Variants in ERBIN observed in about 807,000 individuals in gnomAD.
The protein encoded by ERBIN is erbb2 interacting protein.
A neutral mutation model predicts 158.4 loss-of-function variants in ERBIN; 60 were observed. That is an observed-to-expected ratio of 0.38 (90% CI 0.31 to 0.47). The LOEUF (loss-of-function observed/expected upper bound fraction) is 0.47. ERBIN is among the 20% of genes least tolerant of loss of function. The probability of loss-of-function intolerance (pLI) is 0.99; values close to 1 mark genes in which losing one functional copy is unlikely to be tolerated. For synonymous variants in ERBIN, 594 were observed against 557.2 expected, an observed-to-expected ratio of 1.07 and a Z score of -0.93; for missense variants, 1,610 against 1,648.0, an observed-to-expected ratio of 0.98 and a Z score of 0.40.
chr5:66,035,674 A>G (rs1363273879), intron 14 of ERBIN, among the ~76,000 whole-genome samples: 1 of 152,206 alleles, frequency 6.6e-6, no homozygotes, highest in Non-Finnish European at 1.5e-5. Flanking sequence ...AACAGATAAT[A>G]TATATGGTCA....
At position 66,018,573 on chromosome 5, in the gene ERBIN, T is replaced by TA; in HGVS notation, c.534-2748dup. Among the ~76,000 whole-genome samples, 32 of 29,032 alleles carry TA rather than the reference T, an allele frequency of 1.1e-3. 12 individuals are homozygous for TA. The highest frequency in any genetic ancestry group is 3.7e-3 in the African/African-American group (31 of 8,464). The allele number at this position is 29,032 out of a possible 152,430, so 19.0% of individuals were successfully genotyped here. A position where few individuals can be genotyped will look rare whatever the true frequency, so the allele number is the denominator to read the frequency against. On this transcript the variant is annotated intron_variant, in intron 7 of 25. Transcript: ENST00000284037. Reference sequence around the variant, plus strand: ...ATATATTATATAATATATATTATATTATATAATATATATTATATAATATAT... The same window carrying TA: ...ATATATTATATAATATATATTATATTAATATAATATATATTATATAATATAT...
intron 18 of ERBIN, among the ~76,000 whole-genome samples, chr5:66,047,585 C>A (rs191520475): frequency 1.3e-3 from 195 of 152,118 alleles, no homozygotes; most frequent in Admixed American, 2.1e-3. Context: ...TGATTTATAG[C>A]TGCATTGTTC....
intron 1 of ERBIN, among the ~76,000 whole-genome samples, chr5:65,977,105 G>C (rs1305364384): frequency 6.6e-6 from 1 of 151,294 alleles, no homozygotes; most frequent in East Asian, 2.0e-4. Flanking sequence ...GGGCAGAGGC[G>C]CCCCTCACCT....
At chr5:66,024,484 T>C (rs773039479) in intron 10 of ERBIN, 34 bp downstream of exon 10, 2 of 1,558,586 alleles carry the variant, frequency 1.3e-6, no homozygotes, top group Middle Eastern at 1.9e-4. Flanking sequence ...GTAATTTTTA[T>C]TAAAATAAAT....
chr5:66,059,818 C>A (rs1450216466), intron 21 of ERBIN, among the ~76,000 whole-genome samples: 2 of 152,146 alleles, frequency 1.3e-5, no homozygotes, highest in African/African-American at 2.4e-5. Flanking sequence ...GTCTTTGGTT[C>A]TGTTTATATG....
At chr5:66,059,963 C>T (rs1561441566) in intron 21 of ERBIN, among the ~76,000 whole-genome samples, 2 of 152,292 alleles carry the variant, frequency 1.3e-5, no homozygotes, top group South Asian at 2.1e-4. Context: ...AGGATTTTTG[C>T]ATCAATGTTC....
In ERBIN at chr5:66,025,544, T is replaced by C. The variant is rs762510714; in HGVS notation, c.882T>C (p.Ser294=). The change falls in exon 11 of 26, where the codon TCT becomes TCC. Residue 294 remains serine, a synonymous_variant. Transcript: ENST00000284037. Reference sequence around the variant, plus strand: ...ACCAGTTAATGTATCTGCCAGACTCTATAGGAGGGTAAGTTTTTTGTGAAT... The same window carrying C: ...ACCAGTTAATGTATCTGCCAGACTCCATAGGAGGGTAAGTTTTTTGTGAAT... ...DENQLMYLPD[S]IGGLISVEEL... 6.2e-7 allele frequency: 1 copy of C among 1,610,086 alleles called. No homozygotes were observed. Among genetic ancestry groups the C allele is most frequent in the South Asian group, 1.1e-5 (1 of 90,952 alleles).
At chr5:65,940,184 C>A (rs998702019) in intron 1 of ERBIN, among the ~76,000 whole-genome samples, 6 of 150,678 alleles carry the variant, frequency 4.0e-5, no homozygotes, top group Non-Finnish European at 8.9e-5. Flanking sequence ...ATGTGGGGAG[C>A]GCCTCTGCCC....
intron 21 of ERBIN, among the ~76,000 whole-genome samples, chr5:66,065,559 G>A (rs251283): frequency 0.13 from 19,537 of 148,868 alleles, 1,654 homozygotes; most frequent in South Asian, 0.29. Flanking sequence ...TACATTCCGA[G>A]TGATTTCAGA....
intron 21 of ERBIN, among the ~76,000 whole-genome samples, chr5:66,062,951 C>CT (rs1370073192): frequency 2.6e-5 from 4 of 152,220 alleles, no homozygotes; most frequent in African/African-American, 9.6e-5. Context: ...TCTGCCCCTA[C>CT]TGGGGGGTGC....
chr5:66,031,518 A>C (rs968891252), intron 14 of ERBIN, among the ~76,000 whole-genome samples: 2 of 152,236 alleles, frequency 1.3e-5, no homozygotes, highest in Admixed American at 6.5e-5. Context: ...AAATGCCTGC[A>C]GTGCCTGAAT....
chr5:66,018,225 T>A (rs1755003489), intron 7 of ERBIN, among the ~76,000 whole-genome samples: 1 of 150,672 alleles, frequency 6.6e-6, no homozygotes, highest in African/African-American at 2.4e-5. Flanking sequence ...TGTCAGTGTT[T>A]TGATAGGGAT....
chr5:65,958,005 T>C (rs1198509536), intron 1 of ERBIN, among the ~76,000 whole-genome samples: 1 of 144,144 alleles, frequency 6.9e-6, no homozygotes, highest in African/African-American at 2.6e-5. Context: ...GCAGAGGCGC[T>C]CCTCACATCC....
At position 66,024,479 on chromosome 5, in the gene ERBIN, T is replaced by A; in HGVS notation, c.817+29T>A. 2.6e-6 allele frequency: 4 copies of A among 1,564,306 alleles called. No individual in the cohort carries two copies. The Middle Eastern group carries it at 5.3e-4, about 208-fold the overall frequency. Reference sequence around the variant, plus strand: ...TGTATTGCTTTCAAATTCATGTAATTTTTATTAAAATAAATTCGAGACTTC... The same window carrying A: ...TGTATTGCTTTCAAATTCATGTAATATTTATTAAAATAAATTCGAGACTTC... On this transcript the variant is annotated intron_variant, in intron 10 of 25. Transcript: ENST00000284037.
In ERBIN at chr5:66,011,850, T is replaced by C. The variant is rs187162411; in HGVS notation, c.308-199T>C. On this transcript the variant is annotated intron_variant, in intron 4 of 25. Transcript: ENST00000284037. ...AACCAATTTAAGTAATTAGCAGTTATAAAGAGGCAAATAAAAGGAGGAAAG... is the reference window on the plus strand; with the variant it reads ...AACCAATTTAAGTAATTAGCAGTTACAAAGAGGCAAATAAAAGGAGGAAAG... 2.0e-5 allele frequency among the ~76,000 whole-genome samples: 3 copies of C among 152,308 alleles called. No individual in the cohort carries two copies. In the East Asian group the frequency reaches 5.8e-4, roughly 29 times the overall value.
chr5:65,986,346 C>T lies in ERBIN; in HGVS notation c.-57-2289C>T, dbSNP rs569059356. On this transcript the variant is annotated intron_variant, in intron 1 of 25. Coordinates refer to ENST00000284037, the MANE Select transcript of ERBIN (RefSeq NM_001253697.2). Reference sequence around the variant, plus strand: ...ATTTCAGTTTAGTGGCAGCTCCGTTCCACCAGACTGTCATGTCTGTGGGAG... The same window carrying T: ...ATTTCAGTTTAGTGGCAGCTCCGTTTCACCAGACTGTCATGTCTGTGGGAG... Among the ~76,000 whole-genome samples the T allele has an allele frequency of 9.2e-5, 14 of 152,312 alleles. No individual in the cohort carries two copies. In the East Asian group the frequency reaches 2.3e-3, roughly 25 times the overall value.
At chr5:65,947,755 C>A (rs530049680) in intron 1 of ERBIN, among the ~76,000 whole-genome samples, 51 of 152,120 alleles carry the variant, frequency 3.4e-4, no homozygotes, top group African/African-American at 1.2e-3. Flanking sequence ...ACCTGTAATC[C>A]CAGCACTTTG....
At chr5:65,989,671 A>G (rs1383395919) in intron 2 of ERBIN, among the ~76,000 whole-genome samples, 1 of 152,188 alleles carries the variant, frequency 6.6e-6, no homozygotes, top group Non-Finnish European at 1.5e-5. Flanking sequence ...CTACATCTTT[A>G]TATGTTATCT....
intron 1 of ERBIN, among the ~76,000 whole-genome samples, chr5:65,976,104 C>T (rs373776793): frequency 6.6e-6 from 1 of 152,138 alleles, no homozygotes; most frequent in Non-Finnish European, 1.5e-5. Flanking sequence ...AGGAAGTGAA[C>T]TGGTGGAATA....
Sources: gnomAD v4.1 joint callset for allele counts (sites outside exome capture counted in the v4.1 genomes callset) on GRCh38, gnomAD v4.1.1 for gene constraint, MANE v1.5 for transcripts, NCBI Gene and HGNC (gene_info 2026-07-23, HGNC 2026-07-21) for gene names.